TM9SF1: variants seen among roughly 807,000 people sequenced by gnomAD.
TM9SF1 encodes transmembrane 9 superfamily member 1.
A neutral mutation model predicts 52.4 loss-of-function variants in TM9SF1; 25 were observed. That is an observed-to-expected ratio of 0.48 (90% CI 0.35 to 0.67). TM9SF1 has a LOEUF of 0.67. Ranked by LOEUF, TM9SF1 falls within the 30% of genes least tolerant of loss-of-function variation. The pLI is 0.01. For missense variants in TM9SF1, 604 were observed against 780.3 expected, an observed-to-expected ratio of 0.77 and a Z score of 2.69; for synonymous variants, 284 against 299.8, an observed-to-expected ratio of 0.95 and a Z score of 0.55.
Position 24,192,971 on chromosome 14 carries a change from C to A in TM9SF1, c.644G>T (p.Arg215Leu). 6.2e-7 allele frequency: 1 copy of A among 1,613,876 alleles called. No individual in the cohort carries two copies. The highest frequency in any genetic ancestry group is 8.5e-7 in the Non-Finnish European group (1 of 1,179,806). Residue 215 changes from arginine (R) to leucine (L), a missense_variant, in exon 3 of 6, where the codon CGT becomes CTT. By Grantham distance (102) the Arg-to-Leu change is moderately radical. Transcript: ENST00000261789. This position sits in a 1 kb window ranked among gnomAD's most constrained non-coding sequence, Gnocchi z 4.0. ...SVRWSETSVE[R>L]RSDRRRGDDG... Reference sequence around the variant, plus strand: ...GTCACCACGGCGCCTGTCACTCCGACGCTCCACTGAAGTCTCAGACCAGCG... The same window carrying A: ...GTCACCACGGCGCCTGTCACTCCGAAGCTCCACTGAAGTCTCAGACCAGCG...
In TM9SF1 at chr14:24,195,048, A is replaced by C; in HGVS notation, c.-17-12T>G. 1 of 1,591,722 alleles carries C rather than the reference A, an allele frequency of 6.3e-7. No individual in the cohort carries two copies. The highest frequency in any genetic ancestry group is 1.1e-5 in the South Asian group (1 of 90,096). On this transcript the variant is annotated splice_polypyrimidine_tract_variant and intron_variant, in intron 1 of 5. Transcript: ENST00000261789. ...TAAGGCAGTGGAACCTGTTTGGGGG[A>C]ATCCTGAGGTTATAGAAACCAGGGA...
intron 1 of TM9SF1, 112 bp from the exon 2 acceptor site, chr14:24,195,148 C>T (rs2039378858): frequency 1.5e-6 from 1 of 676,028 alleles, no homozygotes; most frequent in East Asian, 2.7e-5. Context: ...GCCCCCTCCC[C>T]GCCTCACCCT....
intron 1 of TM9SF1, 126 bp downstream of exon 1, chr14:24,195,220 G>GCAGC: frequency 1.7e-6 from 1 of 584,020 alleles, no homozygotes; most frequent in Non-Finnish European, 3.0e-6. Flanking sequence ...CTCCCAACCT[G>GCAGC]GGGTTCACCC....
At chr14:24,193,291 T>C (rs774055434) in intron 2 of TM9SF1, 22 bp from the exon 3 acceptor site, 9 of 1,568,558 alleles carry the variant, frequency 5.7e-6, no homozygotes, top group African/African-American at 1.4e-5. Context: ...AAGTCAGGAG[T>C]TGGTCACACA....
In TM9SF1 at chr14:24,190,550, C is replaced by G. The variant is rs1425667663; in HGVS notation, c.1257G>C (p.Trp419Cys). 1 of 1,614,156 alleles carries G rather than the reference C, an allele frequency of 6.2e-7. No individual in the cohort carries two copies. The highest frequency in any genetic ancestry group is 8.5e-7 in the Non-Finnish European group (1 of 1,180,032). ...ATTILLLLTV[W>C]LLVGFPLTVI... ...CAGTGAGGGGAAAGCCCACCAGCAG[C>G]CAAACCGTCAGAAGCAGCAGGATGG... Residue 419 changes from tryptophan to cysteine, a missense_variant, in exon 5 of 6, where the codon TGG (tryptophan) becomes TGC (cysteine). Physicochemically the swap from Trp to Cys is radical, Grantham distance 215. Around this residue, in one of 3 missense-constraint regions of TM9SF1, gnomAD observed 450 missense variants for 560.1 expected, o/e 0.80. Coordinates refer to ENST00000261789, the MANE Select transcript of TM9SF1 (RefSeq NM_006405.7).
chr14:24,189,464 G>GA lies in TM9SF1; in HGVS notation c.1771dup (p.Ser591PhefsTer12), dbSNP rs1357673998. The stretch of plus-strand genomic sequence containing the variant: ...GATATACCGGATGAACTTTAGGGAA[G>GA]AAAAAAAGGAGATGGTGCCCAGCAT... On this transcript the variant is annotated frameshift_variant, in exon 6 of 6. Coordinates refer to ENST00000261789, the MANE Select transcript of TM9SF1 (RefSeq NM_006405.7). LOFTEE classifies it high-confidence loss of function. 5.0e-6 allele frequency: 8 copies of GA among 1,613,862 alleles called. No homozygotes were observed. Among genetic ancestry groups the GA allele is most frequent in the Non-Finnish European group, 5.9e-6 (7 of 1,179,978 alleles).
chr14:24,192,250 G>A lies in TM9SF1; in HGVS notation c.1074C>T (p.Tyr358=), dbSNP rs749650518. ...TCTGCCGGTAGAAGTGGCTGGACAC[G>A]TAGCCAGAGATGCAGCAGGTCAGGG... ...LYALTCCISG[Y]VSSHFYRQIG... is the part of the protein sequence containing the mutation. The change falls in exon 4 of 6, where the codon TAC becomes TAT. Residue 358 remains tyrosine (Y), a synonymous_variant. Transcript: ENST00000261789. The surrounding 1 kb of genome is among the most constrained non-coding windows in gnomAD (Gnocchi z 4.0). 85 of 1,614,074 alleles carry A rather than the reference G, an allele frequency of 5.3e-5. 1 individual carries two copies. Among genetic ancestry groups the A allele is most frequent in the Middle Eastern group, 1.6e-4 (1 of 6,084 alleles).
At position 24,190,532 on chromosome 14, in the gene TM9SF1, G is replaced by A. The variant is rs1326365363; in HGVS notation, c.1275C>T (p.Pro425=). Residue 425 remains proline (P), a synonymous_variant, in exon 5 of 6, where the codon CCC becomes CCT. Transcript: ENST00000261789. Reference sequence around the variant, plus strand: ...CAAAGATGCCTCCAATGACAGTGAGGGGAAAGCCCACCAGCAGCCAAACCG... The same window carrying A: ...CAAAGATGCCTCCAATGACAGTGAGAGGAAAGCCCACCAGCAGCCAAACCG... The part of the protein sequence containing the change: ...LLTVWLLVGF[P]LTVIGGIFGK... The A allele has an allele frequency of 1.9e-6, 3 of 1,614,050 alleles. No homozygotes were observed. The highest frequency in any genetic ancestry group is 2.5e-6 in the Non-Finnish European group (3 of 1,180,050).
Position 24,192,947 on chromosome 14 carries a change from T to A in TM9SF1, c.668A>T (p.Asp223Val). Residue 223 changes from aspartate (D) to valine (V), a missense_variant, in exon 3 of 6, where the codon GAC (aspartate) becomes GTC (valine). Around this residue, in one of 3 missense-constraint regions of TM9SF1, gnomAD observed 450 missense variants for 560.1 expected, o/e 0.80. Coordinates refer to ENST00000261789, the MANE Select transcript of TM9SF1 (RefSeq NM_006405.7). The surrounding 1 kb of genome is among the most constrained non-coding windows in gnomAD (Gnocchi z 4.0). ...TGTTCGAGGAAAGAAACCACCATCG[T>A]CACCACGGCGCCTGTCACTCCGACG... Reference protein sequence around the residue: ...VERRSDRRRGDDGGFFPRTLE... With the variant: ...VERRSDRRRGVDGGFFPRTLE... 1 of 1,614,076 alleles carries A rather than the reference T, an allele frequency of 6.2e-7. No homozygotes were observed. Among genetic ancestry groups the A allele is most frequent in the Non-Finnish European group, 8.5e-7 (1 of 1,179,958 alleles).
Position 24,190,567 on chromosome 14 carries a change from G to C in TM9SF1, c.1240C>G (p.Leu414Val). 1 of 1,614,188 alleles carries C rather than the reference G, an allele frequency of 6.2e-7. No homozygotes were observed. The highest frequency in any genetic ancestry group is 8.5e-7 in the Non-Finnish European group (1 of 1,180,048). The part of the protein sequence containing the change: ...TQALPATTIL[L>V]LLTVWLLVGF... ...ACCAGCAGCCAAACCGTCAGAAGCA[G>C]CAGGATGGTTGTGGCTGGCAGAGCC... Residue 414 changes from leucine (L) to valine (V), a missense_variant, in exon 5 of 6, where the codon CTG becomes GTG. By Grantham distance (32) the Leu-to-Val change is conservative (BLOSUM62 1). Transcript: ENST00000261789.
Position 24,195,307 on chromosome 14 carries a change from A to C in TM9SF1, c.-18+39T>G, listed in dbSNP as rs892727851. 8 of 403,830 alleles carry C rather than the reference A, an allele frequency of 2.0e-5. No homozygotes were observed. The East Asian group carries it at 3.0e-4, about 15-fold the overall frequency. The allele number at this position is 403,830 out of a possible 1,614,324, so 25.0% of individuals were successfully genotyped here. ...CCATGGCAACGCCGCTCGGTCTCGC[A>C]CCTCGGGTCCCTTCCCGCCACAGCC... On this transcript the variant is annotated intron_variant, in intron 1 of 5. Coordinates refer to ENST00000261789, the MANE Select transcript of TM9SF1 (RefSeq NM_006405.7).
At chr14:24,190,301 A>G in intron 5 of TM9SF1, 79 bp downstream of exon 5, 1 of 1,517,936 alleles carries the variant, frequency 6.6e-7, no homozygotes, top group Non-Finnish European at 8.8e-7. Context: ...GGGTTGGGTT[A>G]GGGTACTGGA....
intron 2 of TM9SF1, among the ~76,000 whole-genome samples, chr14:24,194,239 AAGG>A (rs1383913280): frequency 1.3e-5 from 2 of 152,098 alleles, no homozygotes; most frequent in Non-Finnish European, 2.9e-5. Context: ...GGTGAGGTAT[AAGG>A]AGGTCTGGAG....
At position 24,192,738 on chromosome 14, in the gene TM9SF1, T is replaced by C; in HGVS notation, c.877A>G (p.Ile293Val). Residue 293 changes from isoleucine (I) to valine (V), a missense_variant, in exon 3 of 6, where the codon ATC (isoleucine) becomes GTC (valine). Physicochemically the swap from Ile to Val is conservative, Grantham distance 29 (BLOSUM62 3). Transcript: ENST00000261789. This position sits in a 1 kb window ranked among gnomAD's most constrained non-coding sequence, Gnocchi z 4.0. ...GGGAAGCGGAAGACATCTGTATGGATAATTTTCCAGCCATTGTCACCCTGG... is the reference window on the plus strand; with the variant it reads ...GGGAAGCGGAAGACATCTGTATGGACAATTTTCCAGCCATTGTCACCCTGG... The part of the protein sequence containing the change: ...FDQGDNGWKI[I>V]HTDVFRFPPY... 6.2e-7 allele frequency: 1 copy of C among 1,614,044 alleles called. No individual in the cohort carries two copies. The highest frequency in any genetic ancestry group is 8.5e-7 in the Non-Finnish European group (1 of 1,179,958).
At position 24,192,436 on chromosome 14, in the gene TM9SF1, C is replaced by T. The variant is rs890939607; in HGVS notation, c.968-80G>A. 6.6e-7 allele frequency: 1 copy of T among 1,507,008 alleles called. No individual in the cohort carries two copies. The highest frequency in any genetic ancestry group is 1.4e-5 in the African/African-American group (1 of 72,534). The allele number at this position is 1,507,008 out of a possible 1,614,324, so 93.4% of individuals were successfully genotyped here. On this transcript the variant is annotated intron_variant, in intron 3 of 5. Coordinates refer to ENST00000261789, the MANE Select transcript of TM9SF1 (RefSeq NM_006405.7). This position sits in a 1 kb window ranked among gnomAD's most constrained non-coding sequence, Gnocchi z 4.0. ...AATTTCAGAGGAATCAGCCCCCCTTCTCCCAGACCCAGGGCCTCCAGCAAA... is the reference window on the plus strand; with the variant it reads ...AATTTCAGAGGAATCAGCCCCCCTTTTCCCAGACCCAGGGCCTCCAGCAAA...
intron 2 of TM9SF1, among the ~76,000 whole-genome samples, chr14:24,193,937 G>T (rs2138835736): frequency 2.0e-5 from 3 of 151,042 alleles, no homozygotes; most frequent in East Asian, 3.9e-4. Flanking sequence ...AAAAAAAAGT[G>T]CTGGGATTAC....
chr14:24,193,977 T>C (rs1283566153), intron 2 of TM9SF1, among the ~76,000 whole-genome samples: 1 of 151,688 alleles, frequency 6.6e-6, no homozygotes, highest in African/African-American at 2.4e-5. Context: ...CAGCCTGGGT[T>C]GGATAATTCT....
Position 24,189,467 on chromosome 14 carries a change from A to G in TM9SF1, c.1769T>C (p.Phe590Ser). ...FFLMLGTISF[F>S]SSLKFIRYIY... ...ATACCGGATGAACTTTAGGGAAGAAAAAAAGGAGATGGTGCCCAGCATGAG... is the reference window on the plus strand; with the variant it reads ...ATACCGGATGAACTTTAGGGAAGAAGAAAAGGAGATGGTGCCCAGCATGAG... Residue 590 changes from phenylalanine (F) to serine (S), a missense_variant, in exon 6 of 6, where the codon TTT becomes TCT. Phe to Ser is a radical substitution (Grantham distance 155). Transcript: ENST00000261789. The G allele has an allele frequency of 1.2e-6, 2 of 1,614,178 alleles. No individual in the cohort carries two copies. The highest frequency in any genetic ancestry group is 1.3e-5 in the African/African-American group (1 of 75,024).
Position 24,190,588 on chromosome 14 carries a change from G to C in TM9SF1, c.1219C>G (p.Leu407Val). The C allele has an allele frequency of 6.2e-7, 1 of 1,614,166 alleles. No homozygotes were observed. The highest frequency in any genetic ancestry group is 1.1e-5 in the South Asian group (1 of 91,080). ...AGCAGCAGGATGGTTGTGGCTGGCAGAGCCTGTGTCGAACCATTGGCCCAA... is the reference window on the plus strand; with the variant it reads ...AGCAGCAGGATGGTTGTGGCTGGCACAGCCTGTGTCGAACCATTGGCCCAA... ...VHWANGSTQALPATTILLLLT... is the reference protein window; with the variant it reads ...VHWANGSTQAVPATTILLLLT... Residue 407 changes from leucine (L) to valine (V), a missense_variant, in exon 5 of 6, where the codon CTG becomes GTG. Around this residue, in one of 3 missense-constraint regions of TM9SF1, gnomAD observed 450 missense variants for 560.1 expected, o/e 0.80. Transcript: ENST00000261789.
Sources: allele counts gnomAD v4.1 joint callset (sites outside exome capture counted in the v4.1 genomes callset), GRCh38; gene constraint gnomAD v4.1.1; regional missense constraint gnomAD v4.1.1; non-coding constraint Gnocchi (gnomAD v3.1); transcripts MANE v1.5; gene names NCBI Gene and HGNC (gene_info 2026-07-23, HGNC 2026-07-21).